The following DDX6 variants were observed in gnomAD, a reference collection of about 807,000 sequenced individuals.
The protein encoded by DDX6 is probable ATP-dependent RNA helicase DDX6.
In DDX6, 7 loss-of-function variants were observed where a neutral mutation model predicts 60.6. The ratio of observed to expected loss-of-function variants is 0.12; its 90% CI spans 0.07 to 0.22. The LOEUF is 0.22. DDX6 is among the 10% of genes least tolerant of loss of function. The pLI is 1.00. For missense variants in DDX6, 270 were observed against 589.9 expected (o/e 0.46, Z 5.62); for synonymous variants, 207 against 201.0 (o/e 1.03, Z -0.25).
At chr11:118,771,549 A>G (rs1555162578) in intron 4 of DDX6, among the ~76,000 whole-genome samples, 1 of 152,272 alleles carries the variant, frequency 6.6e-6, no homozygotes, top group Non-Finnish European at 1.5e-5. Context: ...AATGAAAAGC[A>G]AGAGAATTCA....
chr11:118,756,021 C>CCCT (rs1555158799), intron 11 of DDX6, among the ~76,000 whole-genome samples: 13 of 121,258 alleles, frequency 1.1e-4, no homozygotes, highest in African/African-American at 3.5e-4. Flanking sequence ...CCCCCTCCCC[C>CCCT]CCCCCCCCAA....
At chr11:118,755,688 CT>C (rs1860942677) in intron 11 of DDX6, among the ~76,000 whole-genome samples, 185 bp from the exon 12 acceptor site, 1 of 152,022 alleles carries the variant, frequency 6.6e-6, no homozygotes, top group South Asian at 2.1e-4. Context: ...TCCCAAGTTA[CT>C]TTTTTCCAGT....
intron 5 of DDX6, among the ~76,000 whole-genome samples, chr11:118,766,038 TCCAGTCCAGGCAACAAGAGC>T (rs1485768755): frequency 0.012 from 1,885 of 152,058 alleles, 35 homozygotes; most frequent in African/African-American, 0.043. Context: ...GCCACTGCAC[TCCAGTCCAGGCAACAAGAGC>T]GAAACTCCGT....
chr11:118,770,114 C>A (rs1555162186), intron 4 of DDX6, among the ~76,000 whole-genome samples: 1 of 151,940 alleles, frequency 6.6e-6, no homozygotes, highest in Non-Finnish European at 1.5e-5. Context: ...GCAACTTTCG[C>A]CTCCTGGTTC....
At chr11:118,763,328 T>TA in intron 6 of DDX6, 22 bp from the exon 7 acceptor site, 2 of 1,537,028 alleles carry the variant, frequency 1.3e-6, no homozygotes, top group Middle Eastern at 1.7e-4. Flanking sequence ...TTAGAAAACA[T>TA]ACATTCTCAT....
At chr11:118,776,868 T>C (rs1861718741) in intron 4 of DDX6, among the ~76,000 whole-genome samples, 1 of 151,026 alleles carries the variant, frequency 6.6e-6, no homozygotes, top group Non-Finnish European at 1.5e-5. Context: ...AAGACTTCAG[T>C]GTAGATAAAA....
rs116901636 is a variant in DDX6 at position 118,779,573 on chromosome 11, G to C, written c.369+59C>G. On this transcript the variant is annotated intron_variant, in intron 4 of 13. Coordinates refer to ENST00000534980, the MANE Select transcript of DDX6 (RefSeq NM_004397.6). Reference sequence around the variant, plus strand: ...CTGTATCACTTCTGCAGAGCAAAAAGAAAACTGTTTAATGGTTGACACATA... The same window carrying C: ...CTGTATCACTTCTGCAGAGCAAAAACAAAACTGTTTAATGGTTGACACATA... The C allele has an allele frequency of 7.5e-3, 8,840 of 1,171,818 alleles. 450 individuals are homozygous for C. In the East Asian group the frequency reaches 0.11, roughly 14 times the overall value. 72.6% of individuals were successfully genotyped at this position (1,171,818 alleles called of 1,614,324 possible). A position where few individuals can be genotyped will look rare whatever the true frequency, so the allele number is the denominator to read the frequency against.
At chr11:118,763,067 C>T (rs1030699913) in intron 7 of DDX6, 145 bp downstream of exon 7, 6 of 537,300 alleles carry the variant, frequency 1.1e-5, no homozygotes, top group African/African-American at 9.9e-5. Context: ...GGGTAAAACA[C>T]ATTTTATAAG....
chr11:118,780,097 A>G lies in DDX6; in HGVS notation c.265-361T>C, dbSNP rs564937933. On this transcript the variant is annotated intron_variant, in intron 3 of 13. Coordinates refer to ENST00000534980, the MANE Select transcript of DDX6 (RefSeq NM_004397.6). ...CACTCACTGCACAGCCTGGGGGGAC[A>G]GAGCCAGACTCTATCTCAAAAAAAA... Among the ~76,000 whole-genome samples, 7 of 124,618 alleles carry G rather than the reference A, an allele frequency of 5.6e-5. No homozygotes were observed. In the South Asian group the frequency reaches 2.2e-3, roughly 39 times the overall value. The allele number at this position is 124,618 out of a possible 152,430, so 81.8% of individuals were successfully genotyped here. A position where few individuals can be genotyped will look rare whatever the true frequency, so the allele number is the denominator to read the frequency against.
chr11:118,788,002 G>GT (rs886226392), intron 1 of DDX6: 3 of 148,864 alleles, frequency 2.0e-5, no homozygotes, highest in Non-Finnish European at 3.0e-5. Flanking sequence ...CTAATTAATA[G>GT]TTTAAAAAAA....
Position 118,786,328 on chromosome 11 carries a change from A to T in DDX6, c.-77T>A, listed in dbSNP as rs918575198. Reference sequence around the variant, plus strand: ...AGAGAAACTGTAATAACAGTTTATTAGGCTCTCCAAAATGAAGAGATAAAT... The same window carrying T: ...AGAGAAACTGTAATAACAGTTTATTTGGCTCTCCAAAATGAAGAGATAAAT... On this transcript the variant is annotated 5_prime_UTR_variant, in exon 2 of 14. Transcript: ENST00000534980. 2.5e-5 allele frequency: 31 copies of T among 1,261,022 alleles called. No homozygotes were observed. The highest frequency in any genetic ancestry group is 3.3e-5 in the Non-Finnish European group (30 of 907,042). The allele number at this position is 1,261,022 out of a possible 1,614,324, so 78.1% of individuals were successfully genotyped here. A position where few individuals can be genotyped will look rare whatever the true frequency, so the allele number is the denominator to read the frequency against.
At chr11:118,756,022 C>T (rs1246846291) in intron 11 of DDX6, among the ~76,000 whole-genome samples, 7 of 126,792 alleles carry the variant, frequency 5.5e-5, no homozygotes, top group Non-Finnish European at 1.0e-4. Flanking sequence ...CCCCTCCCCC[C>T]CCCCCCCAAA....
chr11:118,789,067 T>C (rs1352453768), intron 1 of DDX6: 1 of 133,590 alleles, frequency 7.5e-6, no homozygotes, highest in Non-Finnish European at 1.5e-5. Flanking sequence ...TTTAACCCCG[T>C]TACACTTTTT....
intron 12 of DDX6, 30 bp from the exon 13 acceptor site, chr11:118,754,917 GAATAA>G: frequency 1.3e-6 from 2 of 1,556,190 alleles, no homozygotes; most frequent in Non-Finnish European, 1.7e-6. Context: ...AAATTTTAAT[GAATAA>G]AATATGAAAA....
chr11:118,773,437 T>C (rs1283799645), intron 4 of DDX6, among the ~76,000 whole-genome samples: 2 of 152,030 alleles, frequency 1.3e-5, no homozygotes, highest in African/African-American at 4.8e-5. Flanking sequence ...CCGGGCGTGG[T>C]GGCAGGCGCC....
At chr11:118,763,779 A>G (rs1861254247) in intron 6 of DDX6, among the ~76,000 whole-genome samples, 1 of 149,924 alleles carries the variant, frequency 6.7e-6, no homozygotes, top group Non-Finnish European at 1.5e-5. Context: ...CGTTGCAGTG[A>G]GCCGAGATCA....
Position 118,754,782 on chromosome 11 carries a change from G to A in DDX6, c.1382C>T (p.Pro461Leu). 6.2e-7 allele frequency: 1 copy of A among 1,613,802 alleles called. No homozygotes were observed. Among genetic ancestry groups the A allele is most frequent in the Non-Finnish European group, 8.5e-7 (1 of 1,179,856 alleles). ...ATACAGGCTCTTATCAATGTTGCTC[G>A]GAATAGGTTTAATTTCTGTTCCCAG... ...EQLGTEIKPIPSNIDKSLYVA... is the reference protein window; with the variant it reads ...EQLGTEIKPILSNIDKSLYVA... The change falls in exon 13 of 14, where the codon CCG (proline) becomes CTG (leucine). Residue 461 changes from proline to leucine, a missense_variant. By Grantham distance (98) the Pro-to-Leu change is moderately conservative. This residue lies in a region of DDX6 where 34 missense variants were observed against 59.4 expected (regional missense o/e 0.57). Transcript: ENST00000534980.
At chr11:118,769,503 A>C (rs1373168008) in intron 4 of DDX6, among the ~76,000 whole-genome samples, 1 of 152,168 alleles carries the variant, frequency 6.6e-6, no homozygotes, top group African/African-American at 2.4e-5. Context: ...TAAATTTCCC[A>C]GACAACAGCA....
chr11:118,752,009 TA>T lies in DDX6; in HGVS notation c.*95del. On this transcript the variant is annotated 3_prime_UTR_variant, in exon 14 of 14. Transcript: ENST00000534980. ...CTTTTAAGTCTTCATAGTTCCAAAATAAAAGATGAAAAACCCACAAAGAGAG... is the reference window on the plus strand; with the variant it reads ...CTTTTAAGTCTTCATAGTTCCAAAATAAAGATGAAAAACCCACAAAGAGAG... The T allele has an allele frequency of 3.1e-6, 1 of 319,542 alleles. No homozygotes were observed. The highest frequency in any genetic ancestry group is 4.7e-5 in the Admixed American group (1 of 21,476). 19.8% of individuals were successfully genotyped at this position (319,542 alleles called of 1,614,324 possible). A position where few individuals can be genotyped will look rare whatever the true frequency, so the allele number is the denominator to read the frequency against.
Sources: allele counts gnomAD v4.1 joint callset (sites outside exome capture counted in the v4.1 genomes callset), GRCh38; gene constraint gnomAD v4.1.1; regional missense constraint gnomAD v4.1.1; transcripts MANE v1.5; gene names NCBI Gene and HGNC (gene_info 2026-07-23, HGNC 2026-07-21).